The following TMEM132B variants were observed in gnomAD, a reference collection of about 807,000 sequenced individuals.
TMEM132B encodes the protein transmembrane protein 132B.
In TMEM132B, 18 loss-of-function variants were observed where a neutral mutation model predicts 90.8. The observed-to-expected ratio is 0.20, with a 90% CI of 0.14 to 0.29. The LOEUF is 0.29. Among genes scored for constraint, TMEM132B ranks in the 10% least tolerant of loss-of-function variants. The pLI is 1.00. For missense variants in TMEM132B, 1,096 were observed against 1,326.8 expected, an observed-to-expected ratio of 0.83 and a Z score of 2.70; for synonymous variants, 504 against 523.3, an observed-to-expected ratio of 0.96 and a Z score of 0.50.
At chr12:125,301,203 C>T (rs1307550194) in intron 1 of TMEM132B, 1 of 152,140 alleles carries the variant, frequency 6.6e-6, no homozygotes, top group African/African-American at 2.4e-5. Context: ...TGGATTATCT[C>T]AGAATCCTCG....
intron 4 of TMEM132B, among the ~76,000 whole-genome samples, chr12:125,543,318 A>T (rs1229171232): frequency 2.0e-5 from 3 of 152,242 alleles, no homozygotes; most frequent in African/African-American, 7.2e-5. Context: ...AATAAAAAAT[A>T]ATACAACCAT....
At chr12:125,238,377 C>CA (rs1207886157) in intron 1 of TMEM132B, among the ~76,000 whole-genome samples, 5,624 of 129,478 alleles carry the variant, frequency 0.043, 493 homozygotes, top group African/African-American at 0.14. Context: ...AAAAAAAAAA[C>CA]AAAAAAAAAC....
intron 1 of TMEM132B, among the ~76,000 whole-genome samples, chr12:125,247,726 A>G (rs559574776): frequency 2.6e-5 from 4 of 152,194 alleles, no homozygotes; most frequent in African/African-American, 4.8e-5. Context: ...ATCAGAGCAT[A>G]GCATTTCCCC....
At chr12:125,391,737 G>T (rs1490105646) in intron 2 of TMEM132B, among the ~76,000 whole-genome samples, 3 of 152,180 alleles carry the variant, frequency 2.0e-5, no homozygotes, top group South Asian at 4.2e-4. Context: ...ACCTCAGGAG[G>T]GATTCCCTCC....
chr12:125,335,671 T>C lies in TMEM132B; in HGVS notation c.68-13781T>C, dbSNP rs530104177. On this transcript the variant is annotated intron_variant, in intron 1 of 8. Transcript: ENST00000682704. The stretch of plus-strand genomic sequence containing the variant: ...GACAGAGCAGGGTGATGGGGGAAAA[T>C]GCATCTTAAAAAATTACTTTAAAAT... 1.7e-4 allele frequency among the ~76,000 whole-genome samples: 26 copies of C among 152,224 alleles called. No homozygotes were observed. In the South Asian group the frequency reaches 4.8e-3, roughly 28 times the overall value.
At chr12:125,432,487 GTATGTGTATATATA>G (rs1427030572) in intron 3 of TMEM132B, among the ~76,000 whole-genome samples, 1 of 62,114 alleles carries the variant, frequency 1.6e-5, no homozygotes, top group Non-Finnish European at 2.8e-5. Flanking sequence ...GTATATATAT[GTATGTGTATATATA>G]TGTGTGTGTG....
chr12:125,218,308 GA>G (rs1408346883), intron 1 of TMEM132B, among the ~76,000 whole-genome samples: 1 of 151,662 alleles, frequency 6.6e-6, no homozygotes, highest in African/African-American at 2.4e-5. Context: ...TATTTTAAAA[GA>G]AAAAAAGGCA....
chr12:125,209,357 C>G lies in TMEM132B; in HGVS notation c.67+22491C>G, dbSNP rs1158279181. Among the ~76,000 whole-genome samples, 3 of 152,190 alleles carry G rather than the reference C, an allele frequency of 2.0e-5. No homozygotes were observed. Among genetic ancestry groups the G allele is most frequent in the African/African-American group, 4.8e-5 (2 of 41,426 alleles). On this transcript the variant is annotated intron_variant, in intron 1 of 8. Coordinates refer to ENST00000682704, the MANE Select transcript of TMEM132B (RefSeq NM_001366854.1). This position sits in a 1 kb window ranked among gnomAD's most constrained non-coding sequence, Gnocchi z 4.4. ...ATGGTGCAGTGGGCTTGCTGTGTAC[C>G]TTTGTCCCAGCCTGGGACAGCAGAC...
intron 1 of TMEM132B, among the ~76,000 whole-genome samples, chr12:125,233,065 G>A (rs1446962524): frequency 6.6e-6 from 1 of 152,144 alleles, no homozygotes; most frequent in Non-Finnish European, 1.5e-5. Context: ...CTGGCTTGGG[G>A]TGTTTGTTTC....
chr12:125,515,867 C>T (rs576177066), intron 3 of TMEM132B, among the ~76,000 whole-genome samples: 2 of 151,780 alleles, frequency 1.3e-5, no homozygotes, highest in Admixed American at 1.3e-4. Flanking sequence ...CTCCCTGTCA[C>T]ACACACTCAT....
At position 125,353,293 on chromosome 12, in the gene TMEM132B, G is replaced by T. The variant is rs59675987; in HGVS notation, c.959+2950G>T. 7.1e-3 allele frequency among the ~76,000 whole-genome samples: 1,074 copies of T among 152,272 alleles called. 13 individuals are homozygous for T. Among genetic ancestry groups the T allele is most frequent in the African/African-American group, 0.025 (1,021 of 41,520 alleles). ...ACTTCAGCACTCCCTCTGCCATGGA[G>T]GACATTGAACCCACCCCTTCAGGCA... On this transcript the variant is annotated intron_variant, in intron 2 of 8. Transcript: ENST00000682704.
At chr12:125,346,595 A>T (rs1436150101) in intron 1 of TMEM132B, among the ~76,000 whole-genome samples, 1 of 152,228 alleles carries the variant, frequency 6.6e-6, no homozygotes, top group Non-Finnish European at 1.5e-5. Context: ...TTTAAATTTC[A>T]TCTGGAGAGG....
intron 2 of TMEM132B, among the ~76,000 whole-genome samples, chr12:125,380,887 G>A (rs376280610): frequency 3.9e-5 from 6 of 152,314 alleles, no homozygotes; most frequent in African/African-American, 1.2e-4. Context: ...TGGCCTAGGG[G>A]TGCTATCAGC....
At chr12:125,314,211 G>A (rs182319669) in intron 1 of TMEM132B, among the ~76,000 whole-genome samples, 1 of 151,952 alleles carries the variant, frequency 6.6e-6, no homozygotes. Context: ...CCAGCCTCCA[G>A]TCCTATGCAA....
chr12:125,205,791 C>A (rs1490003601), intron 1 of TMEM132B, among the ~76,000 whole-genome samples: 2 of 152,232 alleles, frequency 1.3e-5, no homozygotes, highest in African/African-American at 4.8e-5. Context: ...ACGTCCGTCG[C>A]ATTTTACTCA....
intron 1 of TMEM132B, among the ~76,000 whole-genome samples, chr12:125,202,976 G>A (rs1310592774): frequency 6.6e-6 from 1 of 152,154 alleles, no homozygotes; most frequent in Non-Finnish European, 1.5e-5. Context: ...AGAGAGTCCT[G>A]GTGAAGTCCC....
chr12:125,243,912 G>T (rs539425617), intron 1 of TMEM132B, among the ~76,000 whole-genome samples: 18 of 152,088 alleles, frequency 1.2e-4, no homozygotes, highest in Non-Finnish European at 2.5e-4. Context: ...AGCAGTCACC[G>T]CCAACGCCCC....
chr12:125,570,242 C>G (rs1257243509), intron 4 of TMEM132B, among the ~76,000 whole-genome samples: 1 of 152,176 alleles, frequency 6.6e-6, no homozygotes, highest in Admixed American at 6.5e-5. Flanking sequence ...GCTGTAGGGC[C>G]TTACGTATTT....
intron 3 of TMEM132B, among the ~76,000 whole-genome samples, chr12:125,425,835 A>ATCTACTGAG (rs1880302661): frequency 6.6e-6 from 1 of 152,196 alleles, no homozygotes; most frequent in Non-Finnish European, 1.5e-5. Flanking sequence ...ACCACAGTTT[A>ATCTACTGAG]TACATTTATC....
Sources: allele counts gnomAD v4.1 joint callset (sites outside exome capture counted in the v4.1 genomes callset), GRCh38; gene constraint gnomAD v4.1.1; non-coding constraint Gnocchi (gnomAD v3.1); transcripts MANE v1.5; gene names NCBI Gene and HGNC (gene_info 2026-07-23, HGNC 2026-07-21).